Variants in GATAD2B observed in about 807,000 individuals in gnomAD.
The protein encoded by GATAD2B is transcriptional repressor p66-beta.
A neutral mutation model predicts 64.3 loss-of-function variants in GATAD2B; 8 were observed. That is an observed-to-expected ratio of 0.12 (90% confidence interval 0.07 to 0.22). The LOEUF is 0.22. Ranked by LOEUF, GATAD2B falls within the 10% of genes least tolerant of loss-of-function variation. The pLI is 1.00. For missense variants in GATAD2B, 453 were observed against 752.0 expected, an observed-to-expected ratio of 0.60 and a Z score of 4.65; for synonymous variants, 281 against 271.3, an observed-to-expected ratio of 1.04 and a Z score of -0.35.
At chr1:153,901,305 C>T (rs1677763911) in intron 1 of GATAD2B, among the ~76,000 whole-genome samples, 1 of 151,992 alleles carries the variant, frequency 6.6e-6, no homozygotes, top group African/African-American at 2.4e-5. Context: ...GAGCCAAGAT[C>T]ATGCCACTGC....
intron 1 of GATAD2B, among the ~76,000 whole-genome samples, chr1:153,909,529 C>T (rs1375701827): frequency 4.0e-5 from 6 of 151,636 alleles, no homozygotes; most frequent in African/African-American, 9.7e-5. Context: ...AGGCCAGGCA[C>T]GATGGCTCAT....
At chr1:153,919,705 A>G (rs1557837467) in intron 1 of GATAD2B, among the ~76,000 whole-genome samples, 2 of 152,338 alleles carry the variant, frequency 1.3e-5, no homozygotes, top group Non-Finnish European at 1.5e-5. Flanking sequence ...CTGCAACTCT[A>G]TGTGGTATTG....
intron 1 of GATAD2B, among the ~76,000 whole-genome samples, chr1:153,850,935 T>G (rs1473181001): frequency 6.6e-6 from 1 of 152,004 alleles, no homozygotes; most frequent in Admixed American, 6.6e-5. Context: ...AAAAAAAAGT[T>G]TTTTTTTGTT....
At chr1:153,827,974 G>C (rs758548489) in intron 2 of GATAD2B, 39 bp downstream of exon 2, 1 of 1,470,224 alleles carries the variant, frequency 6.8e-7, no homozygotes, top group South Asian at 1.2e-5. Flanking sequence ...GGCTTTATGA[G>C]ACGACCCTAT....
chr1:153,855,103 G>T (rs1454729476), intron 1 of GATAD2B, among the ~76,000 whole-genome samples: 1 of 152,162 alleles, frequency 6.6e-6, no homozygotes, highest in Non-Finnish European at 1.5e-5. Flanking sequence ...TTTTCAAATG[G>T]ACTAAGTATT....
At chr1:153,861,061 G>A (rs186557714) in intron 1 of GATAD2B, among the ~76,000 whole-genome samples, 6 of 152,296 alleles carry the variant, frequency 3.9e-5, no homozygotes, top group African/African-American at 1.4e-4. Context: ...CTAGGCAGAG[G>A]AGAGAAAGTG....
intron 1 of GATAD2B, among the ~76,000 whole-genome samples, chr1:153,913,882 T>C (rs1403535225): frequency 6.8e-6 from 1 of 146,490 alleles, no homozygotes. Context: ...ATCGTGCCAC[T>C]GCACTCCAGC....
At chr1:153,921,817 G>A (rs1013943789) in intron 1 of GATAD2B, 3 of 152,274 alleles carry the variant, frequency 2.0e-5, no homozygotes, top group African/African-American at 7.2e-5. Flanking sequence ...TGCTGGGGAA[G>A]AATCCAAAGA....
At chr1:153,847,854 T>A (rs1043000039) in intron 1 of GATAD2B, among the ~76,000 whole-genome samples, 1 of 152,200 alleles carries the variant, frequency 6.6e-6, no homozygotes, top group African/African-American at 2.4e-5. Flanking sequence ...TTGTTCCTAA[T>A]TTTCAACTGT....
intron 1 of GATAD2B, among the ~76,000 whole-genome samples, chr1:153,860,449 C>T (rs944621246): frequency 5.3e-5 from 8 of 151,906 alleles, no homozygotes; most frequent in Non-Finnish European, 1.2e-4. Context: ...ATCCTCCCAC[C>T]TTAGCTTCCC....
At chr1:153,862,714 CTACTT>C (rs1056941400) in intron 1 of GATAD2B, among the ~76,000 whole-genome samples, 6 of 142,158 alleles carry the variant, frequency 4.2e-5, no homozygotes, top group African/African-American at 1.3e-4. Flanking sequence ...TGGCCAATCT[CTACTT>C]TATTTCTTTT....
At chr1:153,861,190 C>T (rs1269795372) in intron 1 of GATAD2B, among the ~76,000 whole-genome samples, 1 of 152,102 alleles carries the variant, frequency 6.6e-6, no homozygotes, top group Admixed American at 6.6e-5. Flanking sequence ...CTGAGAAGGA[C>T]GCCTGCCTCC....
chr1:153,822,636 T>TG (rs1163239526), intron 2 of GATAD2B, among the ~76,000 whole-genome samples: 1 of 151,982 alleles, frequency 6.6e-6, no homozygotes, highest in Non-Finnish European at 1.5e-5. Context: ...CCTGAGTTGC[T>TG]GGGATTACAT....
chr1:153,917,799 C>T (rs528151525), intron 1 of GATAD2B, among the ~76,000 whole-genome samples: 2 of 152,154 alleles, frequency 1.3e-5, no homozygotes, highest in South Asian at 4.2e-4. Context: ...GAAAGAGAAC[C>T]AATAGGCAAT....
chr1:153,822,504 A>T (rs1417913677), intron 2 of GATAD2B, among the ~76,000 whole-genome samples: 2 of 152,176 alleles, frequency 1.3e-5, no homozygotes, highest in Non-Finnish European at 2.9e-5. Flanking sequence ...AGATAAGGCA[A>T]AGCCAAAGCC....
intron 1 of GATAD2B, among the ~76,000 whole-genome samples, chr1:153,856,294 G>A (rs1385394697): frequency 6.6e-6 from 1 of 152,180 alleles, no homozygotes; most frequent in Non-Finnish European, 1.5e-5. Context: ...GGGGGCTGGA[G>A]TATAGACATC....
chr1:153,858,021 GCAATTGCTCTCAAATA>G (rs1407633659), intron 1 of GATAD2B, among the ~76,000 whole-genome samples: 11 of 152,124 alleles, frequency 7.2e-5, no homozygotes, highest in South Asian at 6.2e-4. Flanking sequence ...ATCTGGAGAT[GCAATTGCTCTCAAATA>G]GAGAAGAGGC....
At chr1:153,836,208 T>C (rs1193467431) in intron 1 of GATAD2B, among the ~76,000 whole-genome samples, 4 of 151,818 alleles carry the variant, frequency 2.6e-5, no homozygotes, top group Middle Eastern at 3.4e-3. Flanking sequence ...AAGAGGATCA[T>C]TGGAGGCTGA....
intron 1 of GATAD2B, chr1:153,853,138 C>A: frequency 7.0e-7 from 1 of 1,434,780 alleles, no homozygotes. Flanking sequence ...GGCAGTCTCT[C>A]CTCAATCCTG....
Sources: allele counts gnomAD v4.1 joint callset (sites outside exome capture counted in the v4.1 genomes callset), GRCh38; gene constraint gnomAD v4.1.1; transcripts MANE v1.5; gene names NCBI Gene and HGNC (gene_info 2026-07-23, HGNC 2026-07-21).